Variants in RCBTB2 observed in about 807,000 individuals in gnomAD.
The protein encoded by RCBTB2 is RCC1 and BTB domain containing protein 2.
Under a neutral mutation model 65.4 loss-of-function variants are expected in RCBTB2, and 55 were observed. The ratio of observed to expected loss-of-function variants is 0.84; its 90% confidence interval spans 0.68 to 1.05. The LOEUF (loss-of-function observed/expected upper bound fraction) is 1.05. Among genes scored for constraint, RCBTB2 ranks in the 50% least tolerant of loss-of-function variants. The pLI is 0.00. For missense variants in RCBTB2, 599 were observed against 680.1 expected, an observed-to-expected ratio of 0.88 and a Z score of 1.33; for synonymous variants, 220 against 255.2, an observed-to-expected ratio of 0.86 and a Z score of 1.31.
At chr13:48,511,341 C>G (rs977631742) in intron 9 of RCBTB2, among the ~76,000 whole-genome samples, 2 of 152,120 alleles carry the variant, frequency 1.3e-5, no homozygotes, top group Non-Finnish European at 2.9e-5. Context: ...CATAATTTAT[C>G]TAATCATTAA....
intron 1 of RCBTB2, among the ~76,000 whole-genome samples, chr13:48,528,575 A>G (rs78860799): frequency 0.02 from 3,092 of 152,274 alleles, 108 homozygotes; most frequent in African/African-American, 0.071. Flanking sequence ...TGCAGACCAC[A>G]TAAATTTCAA....
intron 1 of RCBTB2, among the ~76,000 whole-genome samples, chr13:48,528,760 TAAATG>T (rs1225147911): frequency 6.6e-6 from 1 of 152,172 alleles, no homozygotes; most frequent in Non-Finnish European, 1.5e-5. Flanking sequence ...TAGCTCCACT[TAAATG>T]AGATGTCTAA....
upstream of RCBTB2, chr13:48,533,081 A>G: frequency 2.2e-6 from 1 of 453,646 alleles, no homozygotes; most frequent in Non-Finnish European, 4.4e-6. Context: ...CGGTTACTGC[A>G]CGGTCAGGGG....
At chr13:48,496,574 A>AT (rs1176784288) in intron 13 of RCBTB2, among the ~76,000 whole-genome samples, 2 of 151,138 alleles carry the variant, frequency 1.3e-5, no homozygotes, top group African/African-American at 2.4e-5. Flanking sequence ...TAGCTTTAAT[A>AT]TTTTTTTCCT....
At chr13:48,516,249 T>G (rs558464905) in intron 4 of RCBTB2, among the ~76,000 whole-genome samples, 1 of 152,216 alleles carries the variant, frequency 6.6e-6, no homozygotes, top group East Asian at 1.9e-4. Flanking sequence ...GTTTAAGGAA[T>G]TGGTGGGTTT....
At chr13:48,517,012 G>A (rs917423763) in intron 4 of RCBTB2, among the ~76,000 whole-genome samples, 5 of 152,156 alleles carry the variant, frequency 3.3e-5, no homozygotes, top group African/African-American at 7.2e-5. Context: ...CAACCTTACC[G>A]GGAATGTGGT....
chr13:48,532,708 AG>A (rs1952222738), intron 1 of RCBTB2: 23 of 284,726 alleles, frequency 8.1e-5, no homozygotes, highest in South Asian at 6.1e-4. Flanking sequence ...CGGCCTGGGC[AG>A]GATGTAGTCG....
chr13:48,518,583 T>C (rs1951237060), intron 4 of RCBTB2, among the ~76,000 whole-genome samples: 1 of 150,544 alleles, frequency 6.6e-6, no homozygotes, highest in African/African-American at 2.4e-5. Context: ...AAATCTCACA[T>C]ATGTAAGAAG....
chr13:48,533,988 T>G (rs1423007792), upstream of RCBTB2, among the ~76,000 whole-genome samples: 1 of 152,210 alleles, frequency 6.6e-6, no homozygotes, highest in Non-Finnish European at 1.5e-5. Flanking sequence ...ACCGTGTCAG[T>G]CTGTTTCGTC....
intron 13 of RCBTB2, among the ~76,000 whole-genome samples, chr13:48,496,928 C>T (rs1566261599): frequency 6.6e-6 from 1 of 151,928 alleles, no homozygotes; most frequent in South Asian, 2.1e-4. Context: ...TACAGCAAAA[C>T]TCCTAGACAG....
chr13:48,535,529 T>G (rs1566356782), upstream of RCBTB2, among the ~76,000 whole-genome samples: 1 of 152,216 alleles, frequency 6.6e-6, no homozygotes. Flanking sequence ...GTGCCGAGAT[T>G]ATAGATGTGA....
intron 4 of RCBTB2, among the ~76,000 whole-genome samples, chr13:48,518,766 C>T (rs1376754326): frequency 6.6e-6 from 1 of 151,966 alleles, no homozygotes; most frequent in Non-Finnish European, 1.5e-5. Flanking sequence ...GCAACTTGCC[C>T]AAGGCCACAA....
intron 4 of RCBTB2, among the ~76,000 whole-genome samples, chr13:48,520,048 T>C (rs1026251714): frequency 6.6e-6 from 1 of 152,056 alleles, no homozygotes; most frequent in Non-Finnish European, 1.5e-5. Context: ...CTGGTAAGTA[T>C]AATGCAAATA....
intron 6 of RCBTB2, among the ~76,000 whole-genome samples, chr13:48,514,648 AG>A (rs1388207688): frequency 6.6e-6 from 1 of 152,242 alleles, no homozygotes; most frequent in Non-Finnish European, 1.5e-5. Flanking sequence ...AATAAATTCA[AG>A]GGTTGAGATT....
At chr13:48,523,951 G>C (rs2138621913) in intron 2 of RCBTB2, among the ~76,000 whole-genome samples, 1 of 152,294 alleles carries the variant, frequency 6.6e-6, no homozygotes, top group African/African-American at 2.4e-5. Flanking sequence ...TCAAAGAAAT[G>C]ACATGCAGGA....
chr13:48,493,315 A>ACACTCT (rs759504798), intron 14 of RCBTB2, among the ~76,000 whole-genome samples: 142 of 75,074 alleles, frequency 1.9e-3, no homozygotes, highest in Admixed American at 2.2e-3. Context: ...ACACACACAC[A>ACACTCT]CTCTCTCTCT....
chr13:48,512,692 G>A, intron 7 of RCBTB2, 37 bp downstream of exon 7: 1 of 1,576,508 alleles, frequency 6.3e-7, no homozygotes, highest in Non-Finnish European at 8.7e-7. Flanking sequence ...TAATCTTATT[G>A]AAAAAAATCA....
intron 1 of RCBTB2, among the ~76,000 whole-genome samples, chr13:48,530,968 A>C (rs535794357): frequency 2.0e-5 from 3 of 152,320 alleles, no homozygotes; most frequent in African/African-American, 7.2e-5. Context: ...CCAGTTCCCC[A>C]TGTTAAACAT....
At chr13:48,511,726 C>T (rs756124628) in intron 9 of RCBTB2, 44 bp downstream of exon 9, 7 of 1,520,332 alleles carry the variant, frequency 4.6e-6, no homozygotes, top group South Asian at 1.2e-5. Flanking sequence ...TCTTTGCCAG[C>T]GAAGACTTAA....
Sources: gnomAD v4.1 joint callset for allele counts (sites outside exome capture counted in the v4.1 genomes callset) on GRCh38, gnomAD v4.1.1 for gene constraint, MANE v1.5 for transcripts, NCBI Gene and HGNC (gene_info 2026-07-23, HGNC 2026-07-21) for gene names.